ATP10D: variants seen among roughly 807,000 people sequenced by gnomAD.
The protein encoded by ATP10D is phospholipid-transporting ATPase VD.
Under a neutral mutation model 144.8 loss-of-function variants are expected in ATP10D, and 89 were observed. The observed-to-expected ratio is 0.61, with a 90% CI of 0.52 to 0.73. The LOEUF is 0.73. Ranked by LOEUF, ATP10D falls within the 30% of genes least tolerant of loss-of-function variation. The pLI is 0.00. For synonymous variants in ATP10D, 571 were observed against 615.1 expected (o/e 0.93, Z 1.06); for missense variants, 1,603 against 1,714.8 (o/e 0.93, Z 1.15).
intron 1 of ATP10D, among the ~76,000 whole-genome samples, chr4:47,510,347 C>G (rs73237070): frequency 0.12 from 18,420 of 151,936 alleles, 1,445 homozygotes; most frequent in South Asian, 0.24. Flanking sequence ...CCATGGAGGG[C>G]AGTGAGCCAG....
intron 10 of ATP10D, among the ~76,000 whole-genome samples, chr4:47,548,977 G>A (rs1010380546): frequency 6.6e-6 from 1 of 152,216 alleles, no homozygotes; most frequent in Non-Finnish European, 1.5e-5. Context: ...ATGTCTACAA[G>A]TGGAAGGTTG....
chr4:47,576,845 G>A lies in ATP10D; in HGVS notation c.3439G>A (p.Val1147Ile), dbSNP rs373789759. 1.9e-6 allele frequency: 3 copies of A among 1,614,002 alleles called. No individual in the cohort carries two copies. The African/African-American group carries it at 4.0e-5, about 22-fold the overall frequency. The part of the protein sequence containing the change: ...FSGTSMTDYW[V>I]LIFFNLLFTS... ...AGGAACATCCATGACTGATTACTGG[G>A]TTTTGATCTTCTTCAACCTCCTCTT... Residue 1147 changes from valine (V) to isoleucine (I), a missense_variant, in exon 19 of 23, where the codon GTT (valine) becomes ATT (isoleucine). Physicochemically the swap from Val to Ile is conservative, Grantham distance 29. Coordinates refer to ENST00000273859, the MANE Select transcript of ATP10D (RefSeq NM_020453.4).
chr4:47,489,063 C>T (rs534366419), intron 1 of ATP10D, among the ~76,000 whole-genome samples: 22 of 152,226 alleles, frequency 1.4e-4, no homozygotes, highest in African/African-American at 5.1e-4. Context: ...CCCAAATGGA[C>T]TAAGACGGAG....
chr4:47,535,364 CA>C (rs1401755818), intron 5 of ATP10D, 144 bp from the exon 6 acceptor site: 1 of 575,532 alleles, frequency 1.7e-6, no homozygotes, highest in African/African-American at 2.0e-5. Flanking sequence ...CTGCAATAAC[CA>C]AAGTAAATGG....
chr4:47,559,473 T>G (rs1719176521), intron 13 of ATP10D, among the ~76,000 whole-genome samples: 1 of 152,244 alleles, frequency 6.6e-6, no homozygotes, highest in South Asian at 2.1e-4. Context: ...AGTATTTATA[T>G]GTAAATCCAG....
chr4:47,555,955 T>A (rs1205237701), intron 11 of ATP10D, among the ~76,000 whole-genome samples: 1 of 152,172 alleles, frequency 6.6e-6, no homozygotes, highest in Non-Finnish European at 1.5e-5. Flanking sequence ...GGTTTCACCA[T>A]GTTGGCCAGG....
At chr4:47,566,635 A>G (rs1470544084) in intron 15 of ATP10D, among the ~76,000 whole-genome samples, 2 of 152,180 alleles carry the variant, frequency 1.3e-5, no homozygotes, top group African/African-American at 2.4e-5. Context: ...TATATATTAC[A>G]TATTACATAT....
chr4:47,523,448 A>G (rs567617589), intron 4 of ATP10D, among the ~76,000 whole-genome samples: 29 of 152,224 alleles, frequency 1.9e-4, no homozygotes, highest in Non-Finnish European at 3.8e-4. Context: ...CATATTTTTG[A>G]GAATGGAATT....
intron 1 of ATP10D, among the ~76,000 whole-genome samples, chr4:47,485,860 T>G (rs6858737): frequency 0.19 from 2,990 of 15,962 alleles, 48 homozygotes; most frequent in South Asian, 0.34. Flanking sequence ...CACGCGGGCA[T>G]ACACGGGCAC....
At chr4:47,492,504 C>T (rs1394703388) in intron 1 of ATP10D, among the ~76,000 whole-genome samples, 1 of 151,968 alleles carries the variant, frequency 6.6e-6, no homozygotes, top group East Asian at 1.9e-4. Flanking sequence ...TTTGATCTGC[C>T]TCTTATTTGT....
chr4:47,563,487 A>T, intron 14 of ATP10D, 94 bp from the exon 15 acceptor site: 1 of 1,187,628 alleles, frequency 8.4e-7, no homozygotes, highest in Non-Finnish European at 1.2e-6. Flanking sequence ...TGTAGGGTTG[A>T]GTTGGCTAAC....
In ATP10D at chr4:47,512,297, G is replaced by A. The variant is rs186940703; in HGVS notation, c.-37-207G>A. Among the ~76,000 whole-genome samples, 40 of 152,286 alleles carry A rather than the reference G, an allele frequency of 2.6e-4. 1 individual carries two copies. Among genetic ancestry groups the A allele is most frequent in the Admixed American group, 2.4e-3 (37 of 15,296 alleles). On this transcript the variant is annotated intron_variant, in intron 1 of 22. Transcript: ENST00000273859. Reference sequence around the variant, plus strand: ...CCTTTTAGGTGCTGTCTCTTGTTAAGCAACATGATCAGATGCTTAGCCCAT... The same window carrying A: ...CCTTTTAGGTGCTGTCTCTTGTTAAACAACATGATCAGATGCTTAGCCCAT...
At chr4:47,546,567 T>A in intron 9 of ATP10D, 57 bp from the exon 10 acceptor site, 2 of 1,480,394 alleles carry the variant, frequency 1.4e-6, no homozygotes, top group Non-Finnish European at 1.9e-6. Context: ...GCCTGATATA[T>A]TCAACTTACA....
In ATP10D at chr4:47,591,308, C is replaced by T; in HGVS notation, c.4208C>T (p.Thr1403Ile). The T allele has an allele frequency of 6.2e-7, 1 of 1,612,708 alleles. No individual in the cohort carries two copies. The highest frequency in any genetic ancestry group is 8.5e-7 in the Non-Finnish European group (1 of 1,178,748). The change falls in exon 23 of 23, where the codon ACT becomes ATT. Residue 1403 changes from threonine to isoleucine, a missense_variant. By Grantham distance (89) the Thr-to-Ile change is moderately conservative (BLOSUM62 -1). Coordinates refer to ENST00000273859, the MANE Select transcript of ATP10D (RefSeq NM_020453.4). ...CAAGGAAACTTATCTCTGTGTGAAA[C>T]TGCTTTAGATCAAGGCTACTCTGAA... is the stretch of plus-strand genomic sequence containing the variant. ...IEQGNLSLCETALDQGYSETK... is the reference protein window; with the variant it reads ...IEQGNLSLCEIALDQGYSETK...
At chr4:47,571,956 G>A (rs1305295953) in intron 16 of ATP10D, among the ~76,000 whole-genome samples, 198 bp from the exon 17 acceptor site, 5 of 152,122 alleles carry the variant, frequency 3.3e-5, no homozygotes, top group African/African-American at 4.8e-5. Context: ...AGTTTAAAGC[G>A]GTGTTGAGTT....
chr4:47,588,115 GC>G (rs1359040455), intron 22 of ATP10D, among the ~76,000 whole-genome samples: 3 of 152,178 alleles, frequency 2.0e-5, no homozygotes, highest in Non-Finnish European at 4.4e-5. Context: ...CAATCTGTAA[GC>G]ACTGAACACT....
Position 47,546,606 on chromosome 4 carries a change from G to A in ATP10D, c.1397-18G>A. 6.2e-7 allele frequency: 1 copy of A among 1,607,200 alleles called. No homozygotes were observed. The highest frequency in any genetic ancestry group is 1.7e-5 in the Admixed American group (1 of 59,994). On this transcript the variant is annotated intron_variant, in intron 9 of 22. Transcript: ENST00000273859. ...GGCTCTTCTCAGACATTGACTCAGT[G>A]TGCTTTTTATCCCACAGCCAGGAGG... is the stretch of plus-strand genomic sequence containing the variant.
At chr4:47,545,512 G>A (rs1718369194) in intron 9 of ATP10D, among the ~76,000 whole-genome samples, 1 of 152,212 alleles carries the variant, frequency 6.6e-6, no homozygotes, top group Non-Finnish European at 1.5e-5. Context: ...TTGGACTAAG[G>A]TAATGGATAT....
chr4:47,530,221 C>G (rs1019402003), intron 5 of ATP10D, among the ~76,000 whole-genome samples: 1 of 151,964 alleles, frequency 6.6e-6, no homozygotes, highest in African/African-American at 2.4e-5. Context: ...CTTGTCGAAC[C>G]GGAACAACGG....
Sources: gnomAD v4.1 joint callset for allele counts (sites outside exome capture counted in the v4.1 genomes callset) on GRCh38, gnomAD v4.1.1 for gene constraint, MANE v1.5 for transcripts, NCBI Gene and HGNC (gene_info 2026-07-23, HGNC 2026-07-21) for gene names.